Variants in CACNA1E observed in about 807,000 individuals in gnomAD.
CACNA1E encodes the protein voltage-dependent R-type calcium channel subunit alpha-1E.
CACNA1E carries 40 observed loss-of-function variants against 259.2 expected under a neutral mutation model. That is an observed-to-expected ratio of 0.15 (90% CI 0.12 to 0.20). The LOEUF (loss-of-function observed/expected upper bound fraction) is 0.20, where lower values mean the gene tolerates loss of function less well. Among genes scored for constraint, CACNA1E ranks in the 10% least tolerant of loss-of-function variants. The pLI is 1.00. For missense variants in CACNA1E, 1,874 were observed against 3,040.1 expected, an observed-to-expected ratio of 0.62 and a Z score of 9.02; for synonymous variants, 1,104 against 1,138.5, an observed-to-expected ratio of 0.97 and a Z score of 0.61.
chr1:181,423,058 A>G (rs571493905), intron 2 of CACNA1E, among the ~76,000 whole-genome samples: 222 of 152,336 alleles, frequency 1.5e-3, no homozygotes, highest in Non-Finnish European at 2.7e-3. Flanking sequence ...GCCAACCCCT[A>G]TAAAAAAGGT....
intron 44 of CACNA1E, among the ~76,000 whole-genome samples, chr1:181,790,824 C>T (rs530790195): frequency 3.4e-4 from 51 of 151,474 alleles, no homozygotes; most frequent in African/African-American, 1.2e-3. Context: ...AGTTTATGCC[C>T]GAATATCAAG....
intron 7 of CACNA1E, among the ~76,000 whole-genome samples, chr1:181,697,696 A>G (rs532150400): frequency 5.3e-4 from 80 of 152,368 alleles, no homozygotes; most frequent in African/African-American, 1.7e-3. Flanking sequence ...TACAGCCATC[A>G]ATTTTTATTC....
At chr1:181,645,657 T>G (rs1283265166) in intron 6 of CACNA1E, among the ~76,000 whole-genome samples, 1 of 152,248 alleles carries the variant, frequency 6.6e-6, no homozygotes, top group Non-Finnish European at 1.5e-5. Flanking sequence ...CAGTTCCCTG[T>G]GCTCCCTTCA....
intron 6 of CACNA1E, among the ~76,000 whole-genome samples, chr1:181,646,092 G>C (rs532331452): frequency 6.6e-6 from 1 of 152,326 alleles, no homozygotes; most frequent in African/African-American, 2.4e-5. Flanking sequence ...CAGAGGCTTT[G>C]GACAGATGCT....
At chr1:181,670,100 A>G (rs889559669) in intron 7 of CACNA1E, among the ~76,000 whole-genome samples, 13 of 152,314 alleles carry the variant, frequency 8.5e-5, no homozygotes, top group Middle Eastern at 3.4e-3. Context: ...ATAGAACCTC[A>G]TAATAATTGG....
chr1:181,784,682 T>C lies in CACNA1E; in HGVS notation c.5492T>C (p.Leu1831Pro). ...IAKGGADRQQ[L>P]DSELQKETLA... The stretch of plus-strand genomic sequence containing the variant: ...CTAGGTGGTGCAGACAGGCAGCAGC[T>C]AGACTCAGAGCTACAAAAGGAGACC... Residue 1831 changes from leucine to proline, a missense_variant, in exon 41 of 48, where the codon CTA (leucine) becomes CCA (proline). Coordinates refer to ENST00000367573, the MANE Select transcript of CACNA1E (RefSeq NM_001205293.3). 1.3e-6 allele frequency: 2 copies of C among 1,581,570 alleles called. No individual in the cohort carries two copies. Among genetic ancestry groups the C allele is most frequent in the Non-Finnish European group, 1.7e-6 (2 of 1,163,354 alleles).
chr1:181,493,746 T>G (rs1229019313), intron 1 of CACNA1E, among the ~76,000 whole-genome samples: 4 of 152,202 alleles, frequency 2.6e-5, no homozygotes, highest in Non-Finnish European at 5.9e-5. Flanking sequence ...TAGTTAAGTT[T>G]AAATAGCCAC....
chr1:181,794,630 A>G (rs1661628509), intron 45 of CACNA1E, among the ~76,000 whole-genome samples: 1 of 152,214 alleles, frequency 6.6e-6, no homozygotes, highest in Non-Finnish European at 1.5e-5. Flanking sequence ...ACACTCAGCT[A>G]CAGAAGAAAA....
intron 3 of CACNA1E, among the ~76,000 whole-genome samples, chr1:181,554,947 A>G (rs1648563920): frequency 6.6e-6 from 1 of 152,136 alleles, no homozygotes; most frequent in African/African-American, 2.4e-5. Flanking sequence ...ACAGCAAATC[A>G]CTCAACCTTG....
chr1:181,354,780 G>T (rs1391370031), intron 1 of CACNA1E, among the ~76,000 whole-genome samples: 2 of 152,160 alleles, frequency 1.3e-5, no homozygotes, highest in South Asian at 4.1e-4. Context: ...GTGAGGGCAA[G>T]GGTGCCAAGT....
At chr1:181,582,692 A>G (rs1206774104) in intron 6 of CACNA1E, among the ~76,000 whole-genome samples, 2 of 152,160 alleles carry the variant, frequency 1.3e-5, no homozygotes, top group Admixed American at 6.5e-5. Context: ...TTAACTGAGC[A>G]TCTATTACAT....
chr1:181,328,423 C>T (rs1650967546), intron 1 of CACNA1E, among the ~76,000 whole-genome samples: 1 of 152,098 alleles, frequency 6.6e-6, no homozygotes, highest in Non-Finnish European at 1.5e-5. Context: ...CAGACAATAG[C>T]AAGGAGAGAG....
intron 7 of CACNA1E, among the ~76,000 whole-genome samples, chr1:181,660,930 G>C (rs1208887482): frequency 6.6e-6 from 1 of 152,180 alleles, no homozygotes; most frequent in South Asian, 2.1e-4. Flanking sequence ...AGGGGCTAGG[G>C]ATACCAGGTC....
intron 2 of CACNA1E, among the ~76,000 whole-genome samples, chr1:181,420,808 A>C (rs961713426): frequency 1.7e-4 from 26 of 152,302 alleles, no homozygotes; most frequent in Non-Finnish European, 2.2e-4. Context: ...GGTTGGTATG[A>C]CTTACTCTAT....
chr1:181,760,032 C>T (rs184412798), intron 32 of CACNA1E, among the ~76,000 whole-genome samples: 38 of 152,294 alleles, frequency 2.5e-4, no homozygotes, highest in African/African-American at 8.9e-4. Flanking sequence ...CTACTACCAA[C>T]AAAGATGCCT....
At chr1:181,696,042 C>G (rs959363838) in intron 7 of CACNA1E, among the ~76,000 whole-genome samples, 1 of 151,882 alleles carries the variant, frequency 6.6e-6, no homozygotes, top group Admixed American at 6.6e-5. Flanking sequence ...CGAATTCAGG[C>G]GAGACAAATG....
chr1:181,557,964 G>T (rs1262689689), intron 3 of CACNA1E, among the ~76,000 whole-genome samples: 2 of 152,218 alleles, frequency 1.3e-5, no homozygotes, highest in African/African-American at 2.4e-5. Flanking sequence ...TTTGAAATGG[G>T]TGCTACCTTA....
At chr1:181,538,155 T>G (rs1354634376) in intron 3 of CACNA1E, among the ~76,000 whole-genome samples, 1 of 152,206 alleles carries the variant, frequency 6.6e-6, no homozygotes, top group Non-Finnish European at 1.5e-5. Context: ...AGCTCAATAT[T>G]TAAAATTTTT....
In CACNA1E at chr1:181,728,098, G is replaced by A. The variant is rs147184812; in HGVS notation, c.2240+1936G>A. On this transcript the variant is annotated intron_variant, in intron 18 of 47. Transcript: ENST00000367573. ...AATATTCCTCTCTGGAATATTCTCT[G>A]GGCCTTGAGTAATTTCTACTCCACC... Among the ~76,000 whole-genome samples the A allele has an allele frequency of 2.6e-4, 39 of 152,276 alleles. 1 individual carries two copies. In the East Asian group the frequency reaches 6.9e-3, roughly 27 times the overall value.
Sources: gnomAD v4.1 joint callset for allele counts (sites outside exome capture counted in the v4.1 genomes callset) on GRCh38, gnomAD v4.1.1 for gene constraint, MANE v1.5 for transcripts, NCBI Gene and HGNC (gene_info 2026-07-23, HGNC 2026-07-21) for gene names.